The following ORC1 variants were observed in gnomAD, a reference collection of about 807,000 sequenced individuals.
ORC1 encodes origin recognition complex subunit 1.
In ORC1, 61 loss-of-function variants were observed where a neutral mutation model predicts 98.9. The ratio of observed to expected loss-of-function variants is 0.62; its 90% CI spans 0.50 to 0.76. The LOEUF (loss-of-function observed/expected upper bound fraction) is 0.76. Ranked by LOEUF, ORC1 falls within the 30% of genes least tolerant of loss-of-function variation. The pLI, the probability that ORC1 is intolerant of heterozygous loss-of-function variation, is 0.00. For synonymous variants in ORC1, 385 were observed against 406.9 expected, an observed-to-expected ratio of 0.95 and a Z score of 0.65; for missense variants, 979 against 1,072.2, an observed-to-expected ratio of 0.91 and a Z score of 1.21.
chr1:52,393,068 C>A (rs1647257231), intron 6 of ORC1, among the ~76,000 whole-genome samples: 1 of 152,100 alleles, frequency 6.6e-6, no homozygotes, highest in Non-Finnish European at 1.5e-5. Flanking sequence ...AATGAAACAA[C>A]AACAACAATG....
chr1:52,376,628 T>C (rs1291675560), intron 14 of ORC1, among the ~76,000 whole-genome samples: 1 of 152,024 alleles, frequency 6.6e-6, no homozygotes, highest in Non-Finnish European at 1.5e-5. Context: ...CTTCGTCAGT[T>C]CTCCTCCCCT....
chr1:52,383,578 G>T lies in ORC1; in HGVS notation c.1864-9C>A. Reference sequence around the variant, plus strand: ...GTCCACAGAAGGTCGAGCTGCCAGGGCAAAGGAGAGAGGTGCAGAGTCAAT... The same window carrying T: ...GTCCACAGAAGGTCGAGCTGCCAGGTCAAAGGAGAGAGGTGCAGAGTCAAT... On this transcript the variant is annotated splice_polypyrimidine_tract_variant and intron_variant, in intron 12 of 16. Coordinates refer to ENST00000371568, the MANE Select transcript of ORC1 (RefSeq NM_004153.4). 6.2e-7 allele frequency: 1 copy of T among 1,614,028 alleles called. No individual in the cohort carries two copies. Among genetic ancestry groups the T allele is most frequent in the Non-Finnish European group, 8.5e-7 (1 of 1,179,994 alleles).
At position 52,381,799 on chromosome 1, in the gene ORC1, C is replaced by T. The variant is rs3087474; in HGVS notation, c.2014-38G>A. 0.1 allele frequency: 165,121 copies of T among 1,608,276 alleles called. 19,867 individuals are homozygous for T. The highest frequency in any genetic ancestry group is 0.61 in the African/African-American group (45,454 of 74,634). On this transcript the variant is annotated intron_variant, in intron 13 of 16. Coordinates refer to ENST00000371568, the MANE Select transcript of ORC1 (RefSeq NM_004153.4). ...AATGACAGAGGAATAAGTTGGTTGA[C>T]TGCCCAGTGATTATCCAGGTGGAAA...
chr1:52,404,810 G>T, upstream of ORC1: 1 of 1,614,222 alleles, frequency 6.2e-7, no homozygotes, highest in Non-Finnish European at 8.5e-7. Flanking sequence ...TCAATATCTG[G>T]TGGAGAAGAT....
upstream of ORC1, chr1:52,404,916 T>C (rs926711700): frequency 1.2e-6 from 2 of 1,608,440 alleles, no homozygotes; most frequent in African/African-American, 2.7e-5. Context: ...TCAGCCCCCT[T>C]GTGGCCCATT....
intron 5 of ORC1, among the ~76,000 whole-genome samples, chr1:52,395,829 A>AAAAACG (rs1301663923): frequency 6.6e-6 from 1 of 152,098 alleles, no homozygotes; most frequent in Admixed American, 6.6e-5. Flanking sequence ...AAACAAAAAC[A>AAAAACG]AAAAAACCCA....
Position 52,388,507 on chromosome 1 carries a change from A to G in ORC1, c.1318T>C (p.Ser440Pro), listed in dbSNP as rs61756136. Residue 440 changes from serine to proline, a missense_variant, in exon 8 of 17, where the codon TCC becomes CCC. Ser to Pro is a moderately conservative substitution (Grantham distance 74). Transcript: ENST00000371568. The part of the protein sequence containing the change: ...PLPRRAPRTV[S>P]RNLRSSLKSS... ...TTCAAGGAAGATCGCAGGTTCCTGG[A>G]CACAGTTCTGGGTGCTCTCCTTGGA... The G allele has an allele frequency of 7.8e-4, 1,259 of 1,614,188 alleles. 10 individuals carry two copies. The Middle Eastern group carries it at 0.024, about 31-fold the overall frequency.
rs1646953328 is a variant in ORC1, at chr1:52,373,017, A to C, written c.*164T>G. ...CATGGTGGCATGTGCCTGTAGTTTC[A>C]GCCACCTGGGAGGATGAGGTTGGGG... On this transcript the variant is annotated 3_prime_UTR_variant, in exon 17 of 17. Transcript: ENST00000371568. 1.3e-6 allele frequency: 1 copy of C among 755,806 alleles called. No individual in the cohort carries two copies. The highest frequency in any genetic ancestry group is 1.7e-5 in the African/African-American group (1 of 58,474). 46.8% of individuals were successfully genotyped at this position (755,806 alleles called of 1,614,324 possible).
At chr1:52,408,362 A>C (rs1429769055), upstream of ORC1, 1 of 695,656 alleles carries the variant, frequency 1.4e-6, no homozygotes, top group Non-Finnish European at 2.6e-6. Flanking sequence ...TGATGTTCCC[A>C]CAGCCATAAA....
chr1:52,406,963 C>A (rs1339341201), upstream of ORC1, among the ~76,000 whole-genome samples: 1 of 152,142 alleles, frequency 6.6e-6, no homozygotes, highest in African/African-American at 2.4e-5. Flanking sequence ...CAAAAGCCTC[C>A]TAGTTACCCA....
At chr1:52,379,241 A>ATT (rs1202537038) in intron 14 of ORC1, among the ~76,000 whole-genome samples, 4 of 125,612 alleles carry the variant, frequency 3.2e-5, no homozygotes, top group Non-Finnish European at 5.2e-5. Flanking sequence ...AAAGTAGGGT[A>ATT]TTTTTTTTTT....
chr1:52,398,161 A>G (rs528102880), intron 3 of ORC1, among the ~76,000 whole-genome samples: 3 of 152,196 alleles, frequency 2.0e-5, no homozygotes, highest in African/African-American at 7.2e-5. Context: ...ACGAGGTCTC[A>G]CCACGTTGGC....
rs1368969675 is a variant in ORC1, at chr1:52,397,736, G to A, written c.351C>T (p.Tyr117=). The change falls in exon 4 of 17, where the codon TAC becomes TAT. Residue 117 remains tyrosine (Y), a synonymous_variant. Transcript: ENST00000371568. ...CATTAATGTTGCTGTCACAGGCCGG[G>A]TAATCATACCAGAATATTTCCTGTG... ...PGAQEIFWYD[Y]PACDSNINAE... 1.1e-5 allele frequency: 17 copies of A among 1,614,058 alleles called. No homozygotes were observed. The highest frequency in any genetic ancestry group is 1.4e-5 in the Non-Finnish European group (17 of 1,180,034).
In ORC1 at chr1:52,385,957, G is replaced by C. The variant is rs1259395992; in HGVS notation, c.1384-8C>G. The C allele has an allele frequency of 2.5e-6, 4 of 1,606,318 alleles. No homozygotes were observed. The Admixed American group carries it at 6.7e-5, about 27-fold the overall frequency. ...TGGCGTTCTAGGCTTGAGCTGTATT[G>C]AAAACAAAGAACATATTTCACAAGG... On this transcript the variant is annotated splice_polypyrimidine_tract_variant and splice_region_variant and intron_variant, in intron 8 of 16. Transcript: ENST00000371568.
At chr1:52,404,605 C>G (rs1647911977), upstream of ORC1, 3 of 820,432 alleles carry the variant, frequency 3.7e-6, no homozygotes, top group Admixed American at 8.9e-5. Context: ...GCCCTTTACA[C>G]TACGGTGTTT....
chr1:52,382,441 C>G (rs553504836), intron 13 of ORC1, among the ~76,000 whole-genome samples: 1 of 152,214 alleles, frequency 6.6e-6, no homozygotes, highest in Admixed American at 6.5e-5. Flanking sequence ...CTTCACTTAC[C>G]AGGCTCTTCA....
chr1:52,397,585 T>C, intron 4 of ORC1, 100 bp downstream of exon 4: 1 of 1,059,644 alleles, frequency 9.4e-7, no homozygotes. Flanking sequence ...ATGCATTCCC[T>C]ATGGGGTATT....
chr1:52,401,252 C>T (rs1226239001), intron 3 of ORC1, 110 bp downstream of exon 3: 6 of 1,376,200 alleles, frequency 4.4e-6, no homozygotes. Context: ...CGTGATCCCA[C>T]CTCAGTCTAA....
intron 1 of ORC1, among the ~76,000 whole-genome samples, chr1:52,403,388 C>G (rs1344320843): frequency 6.6e-6 from 1 of 152,180 alleles, no homozygotes; most frequent in Admixed American, 6.5e-5. Context: ...ATAATTCAAG[C>G]AAAATTTTGC....
Sources: gnomAD v4.1 joint callset for allele counts (sites outside exome capture counted in the v4.1 genomes callset) on GRCh38, gnomAD v4.1.1 for gene constraint, MANE v1.5 for transcripts, NCBI Gene and HGNC (gene_info 2026-07-23, HGNC 2026-07-21) for gene names.